Variants in KIF26B observed in about 807,000 individuals in gnomAD.
KIF26B encodes kinesin-like protein KIF26B.
In KIF26B, 63 loss-of-function variants were observed where a neutral mutation model predicts 151.2. The ratio of observed to expected loss-of-function variants is 0.42; its 90% confidence interval spans 0.34 to 0.51. KIF26B has a LOEUF of 0.51. Among genes scored for constraint, KIF26B ranks in the 20% least tolerant of loss-of-function variants. KIF26B has a pLI of 0.07. For synonymous variants in KIF26B, 1,357 were observed against 1,262.1 expected (o/e 1.08, Z -1.59); for missense variants, 2,813 against 2,913.6 (o/e 0.97, Z 0.79).
At chr1:245,565,989 A>G (rs1341847685) in intron 5 of KIF26B, among the ~76,000 whole-genome samples, 1 of 152,234 alleles carries the variant, frequency 6.6e-6, no homozygotes, top group Non-Finnish European at 1.5e-5. Flanking sequence ...GGGAGGCCCC[A>G]GACTCTTTAA....
chr1:245,333,223 G>A (rs1178380111), intron 2 of KIF26B, among the ~76,000 whole-genome samples: 1 of 152,214 alleles, frequency 6.6e-6, no homozygotes, highest in Admixed American at 6.5e-5. Context: ...GGATAAACGA[G>A]ATGTGGTCTC....
At chr1:245,655,263 G>A (rs1311024998) in intron 10 of KIF26B, among the ~76,000 whole-genome samples, 1 of 152,176 alleles carries the variant, frequency 6.6e-6, no homozygotes. Context: ...CATATTGTAG[G>A]TTCCATGGAG....
intron 5 of KIF26B, among the ~76,000 whole-genome samples, chr1:245,577,456 TC>T (rs2043130146): frequency 2.6e-5 from 4 of 152,204 alleles, no homozygotes; most frequent in African/African-American, 9.6e-5. Context: ...CAAGAGCACT[TC>T]CACAATCTCC....
At chr1:245,523,933 G>C (rs781736081) in intron 4 of KIF26B, among the ~76,000 whole-genome samples, 7 of 152,150 alleles carry the variant, frequency 4.6e-5, no homozygotes, top group Non-Finnish European at 8.8e-5. Context: ...AAATTACCTA[G>C]AAGACTAATA....
At chr1:245,663,081 G>C (rs994406334) in intron 10 of KIF26B, among the ~76,000 whole-genome samples, 1 of 150,528 alleles carries the variant, frequency 6.6e-6, no homozygotes, top group Non-Finnish European at 1.5e-5. Context: ...TAGCTGCCCT[G>C]ATCTCCCCAA....
At chr1:245,454,614 T>C (rs560227292) in intron 4 of KIF26B, among the ~76,000 whole-genome samples, 1 of 152,280 alleles carries the variant, frequency 6.6e-6, no homozygotes, top group African/African-American at 2.4e-5. Context: ...TACAATGCAT[T>C]TGAAAGCACT....
At chr1:245,174,003 G>A (rs1668760412) in intron 2 of KIF26B, among the ~76,000 whole-genome samples, 1 of 152,190 alleles carries the variant, frequency 6.6e-6, no homozygotes, top group Non-Finnish European at 1.5e-5. Flanking sequence ...ACATTGAGCC[G>A]GCAAATCAGT....
intron 9 of KIF26B, among the ~76,000 whole-genome samples, chr1:245,633,443 T>C (rs574649758): frequency 6.6e-6 from 1 of 152,348 alleles, no homozygotes; most frequent in African/African-American, 2.4e-5. Context: ...CCTTTCTTCC[T>C]CTTGTATTGC....
chr1:245,668,887 C>T (rs909409560), intron 10 of KIF26B, among the ~76,000 whole-genome samples: 10 of 152,190 alleles, frequency 6.6e-5, no homozygotes, highest in Non-Finnish European at 1.2e-4. Context: ...GATGGGGTTT[C>T]GCCATGTTGG....
At chr1:245,617,155 G>C (rs1374837986) in intron 9 of KIF26B, among the ~76,000 whole-genome samples, 1 of 152,148 alleles carries the variant, frequency 6.6e-6, no homozygotes, top group Admixed American at 6.5e-5. Context: ...GAGTGCAGTG[G>C]CGCAATCTCA....
chr1:245,670,879 T>C (rs2044278464), intron 10 of KIF26B, among the ~76,000 whole-genome samples: 1 of 152,150 alleles, frequency 6.6e-6, no homozygotes, highest in African/African-American at 2.4e-5. Flanking sequence ...CTCTTTTAGG[T>C]ACTTAAAAAC....
At chr1:245,309,500 T>C (rs896597664) in intron 2 of KIF26B, among the ~76,000 whole-genome samples, 15 of 152,020 alleles carry the variant, frequency 9.9e-5, no homozygotes, top group African/African-American at 3.6e-4. Flanking sequence ...AATGACGCCA[T>C]CGGGTCTCCT....
rs972005956 is a variant in KIF26B, at chr1:245,572,472, C to T, written c.1351-30105C>T. The stretch of plus-strand genomic sequence containing the variant: ...CTTCTCTTGTTCTCCAGCCCATTTT[C>T]AGGCACGGTATCCTGCGCTGCTAGC... On this transcript the variant is annotated intron_variant, in intron 5 of 14. Coordinates refer to ENST00000407071, the MANE Select transcript of KIF26B (RefSeq NM_018012.4). This position sits in a 1 kb window ranked among gnomAD's most constrained non-coding sequence, Gnocchi z 4.2. 1.3e-5 allele frequency among the ~76,000 whole-genome samples: 2 copies of T among 152,140 alleles called. No homozygotes were observed. The highest frequency in any genetic ancestry group is 4.8e-5 in the African/African-American group (2 of 41,416).
intron 2 of KIF26B, among the ~76,000 whole-genome samples, chr1:245,317,664 G>A (rs566072412): frequency 1.3e-5 from 2 of 152,282 alleles, no homozygotes; most frequent in East Asian, 1.9e-4. Flanking sequence ...GGGAAGACCC[G>A]CATTCCAGAG....
At chr1:245,511,584 TTTTGTTTG>T (rs202131944) in intron 4 of KIF26B, among the ~76,000 whole-genome samples, 1 of 152,178 alleles carries the variant, frequency 6.6e-6, no homozygotes, top group East Asian at 1.9e-4. Flanking sequence ...ATGTGAGGGT[TTTTGTTTG>T]TTTGTTTGTT....
chr1:245,366,292 G>A (rs60085974), intron 2 of KIF26B, among the ~76,000 whole-genome samples: 8,347 of 152,136 alleles, frequency 0.055, 600 homozygotes, highest in East Asian at 0.25. Flanking sequence ...CAGCACTTTG[G>A]GAGGCCGAGG....
intron 9 of KIF26B, among the ~76,000 whole-genome samples, chr1:245,639,863 T>A (rs1162570073): frequency 6.6e-6 from 1 of 151,826 alleles, no homozygotes; most frequent in Non-Finnish European, 1.5e-5. Flanking sequence ...TGTTGAGACA[T>A]GTTTTGTGGC....
At chr1:245,190,499 CT>C (rs2103532413) in intron 2 of KIF26B, among the ~76,000 whole-genome samples, 1 of 152,248 alleles carries the variant, frequency 6.6e-6, no homozygotes, top group Non-Finnish European at 1.5e-5. Flanking sequence ...TGCACTTGCA[CT>C]GGAAACAGCT....
chr1:245,399,492 G>A (rs1184602771), intron 3 of KIF26B, among the ~76,000 whole-genome samples: 1 of 152,146 alleles, frequency 6.6e-6, no homozygotes, highest in Non-Finnish European at 1.5e-5. Flanking sequence ...TTGTCAATCC[G>A]ACTTATTGCC....
Sources: allele counts gnomAD v4.1 joint callset (sites outside exome capture counted in the v4.1 genomes callset), GRCh38; gene constraint gnomAD v4.1.1; non-coding constraint Gnocchi (gnomAD v3.1); transcripts MANE v1.5; gene names NCBI Gene and HGNC (gene_info 2026-07-23, HGNC 2026-07-21).